The following CSTPP1 variants were observed in gnomAD, a reference collection of about 807,000 sequenced individuals.
The protein encoded by CSTPP1 is centriolar satellite-associated tubulin polyglutamylase complex regulator 1, also known as UPF0705 protein C11orf49.
the CSTPP1 span, among the ~76,000 whole-genome samples, chr11:46,964,275 T>TTC: frequency 1.3e-4 from 19 of 149,160 alleles, no homozygotes; most frequent in South Asian, 4.2e-4. Context: ...TCACAGTGTC[T>TTC]TCTCTCTCTC....
chr11:47,095,470 G>C, the CSTPP1 span, among the ~76,000 whole-genome samples: 1 of 152,120 alleles, frequency 6.6e-6, no homozygotes, highest in Admixed American at 6.6e-5. Flanking sequence ...AATGATAGTT[G>C]CTTCATTGAA....
At chr11:47,062,670 G>A in the CSTPP1 span, among the ~76,000 whole-genome samples, 2 of 152,128 alleles carry the variant, frequency 1.3e-5, no homozygotes, top group East Asian at 1.9e-4. Context: ...TAGTACATCC[G>A]TTCCTTCTTT....
the CSTPP1 span, among the ~76,000 whole-genome samples, chr11:47,129,022 ACC>A: frequency 6.6e-6 from 1 of 152,172 alleles, no homozygotes; most frequent in Non-Finnish European, 1.5e-5. Flanking sequence ...GCCTTTAGTC[ACC>A]ATTAGGAGGG....
At chr11:47,049,587 G>A in the CSTPP1 span, among the ~76,000 whole-genome samples, 1 of 152,036 alleles carries the variant, frequency 6.6e-6, no homozygotes, top group African/African-American at 2.4e-5. Flanking sequence ...GTTGCAGTGA[G>A]CCAAGATGGG....
chr11:47,021,128 A>T, the CSTPP1 span, among the ~76,000 whole-genome samples: 7 of 152,174 alleles, frequency 4.6e-5, no homozygotes, highest in African/African-American at 1.7e-4. Flanking sequence ...GGTTGTTGTT[A>T]ACCCATCAGA....
chr11:46,979,898 A>G, the CSTPP1 span, among the ~76,000 whole-genome samples: 1 of 152,184 alleles, frequency 6.6e-6, no homozygotes, highest in Non-Finnish European at 1.5e-5. Context: ...GGGTGACAAC[A>G]GCGAGACTCT....
At chr11:47,131,549 A>G in the CSTPP1 span, among the ~76,000 whole-genome samples, 2 of 152,240 alleles carry the variant, frequency 1.3e-5, no homozygotes, top group Non-Finnish European at 2.9e-5. Flanking sequence ...TAGAGTGGAT[A>G]TAACCAACAG....
the CSTPP1 span, among the ~76,000 whole-genome samples, chr11:47,093,771 A>G: frequency 6.6e-6 from 1 of 152,198 alleles, no homozygotes; most frequent in African/African-American, 2.4e-5. Context: ...AAGGGACTTA[A>G]GCGAGATAAT....
the CSTPP1 span, among the ~76,000 whole-genome samples, chr11:47,097,293 G>A: frequency 8.0e-6 from 1 of 124,420 alleles, no homozygotes; most frequent in African/African-American, 2.9e-5. Context: ...TCAGCCCCCC[G>A]CCCAGCCAGC....
At chr11:47,148,153 G>A in the CSTPP1 span, among the ~76,000 whole-genome samples, 3 of 152,124 alleles carry the variant, frequency 2.0e-5, no homozygotes, top group East Asian at 1.9e-4. Context: ...CCTTCATAGC[G>A]GCCTTTTTCC....
the CSTPP1 span, among the ~76,000 whole-genome samples, chr11:47,047,075 A>G: frequency 6.6e-6 from 1 of 151,718 alleles, no homozygotes; most frequent in Non-Finnish European, 1.5e-5. Context: ...TAATTTTTGT[A>G]TTTTTAGTAG....
the CSTPP1 span, among the ~76,000 whole-genome samples, chr11:47,002,512 G>A: frequency 2.0e-5 from 3 of 152,158 alleles, no homozygotes; most frequent in Non-Finnish European, 4.4e-5. Context: ...CCTGGTAATG[G>A]AGGAAGCTAT....
At chr11:46,955,996 C>A in the CSTPP1 span, among the ~76,000 whole-genome samples, 201 of 149,780 alleles carry the variant, frequency 1.3e-3, 1 homozygote, top group African/African-American at 3.5e-3. Flanking sequence ...ACCCCCCCCC[C>A]CCCACCAAAA....
the CSTPP1 span, among the ~76,000 whole-genome samples, chr11:47,008,735 G>A: frequency 6.6e-6 from 1 of 152,082 alleles, no homozygotes; most frequent in African/African-American, 2.4e-5. Flanking sequence ...ATTCCAGTTA[G>A]AGGTTAGTAA....
the CSTPP1 span, among the ~76,000 whole-genome samples, chr11:47,057,049 A>G: frequency 2.6e-5 from 4 of 152,238 alleles, no homozygotes; most frequent in African/African-American, 9.6e-5. Context: ...GTTTTTAGCA[A>G]GTACAGGATA....
At chr11:47,019,117 T>C in the CSTPP1 span, among the ~76,000 whole-genome samples, 1 of 152,014 alleles carries the variant, frequency 6.6e-6, no homozygotes, top group Non-Finnish European at 1.5e-5. Flanking sequence ...AAGCAATTCT[T>C]GTTCCTCAGC....
the CSTPP1 span, among the ~76,000 whole-genome samples, chr11:47,111,212 C>T: frequency 6.6e-6 from 1 of 152,084 alleles, no homozygotes; most frequent in Admixed American, 6.5e-5. Flanking sequence ...TTCACCCAAA[C>T]GAGAATTATT....
At chr11:47,012,979 G>C in the CSTPP1 span, among the ~76,000 whole-genome samples, 2 of 140,008 alleles carry the variant, frequency 1.4e-5, no homozygotes, top group South Asian at 4.6e-4. Flanking sequence ...TGCTGTATTG[G>C]TGCGAGACAG....
the CSTPP1 span, chr11:46,987,390 C>A: frequency 8.6e-7 from 1 of 1,166,372 alleles, no homozygotes; most frequent in Non-Finnish European, 1.3e-6. Flanking sequence ...AGGAACAGAG[C>A]AGGACAATGC....
Sources: allele counts gnomAD v4.1 joint callset (sites outside exome capture counted in the v4.1 genomes callset), GRCh38; gene constraint gnomAD v4.1.1; transcripts MANE v1.5; gene names NCBI Gene and HGNC (gene_info 2026-07-23, HGNC 2026-07-21).